NBAS: variants seen among roughly 807,000 people sequenced by gnomAD.
NBAS encodes NBAS subunit of NRZ tethering complex, also known as NAG/BC035112 fusion.
A neutral mutation model predicts 302.5 loss-of-function variants in NBAS; 219 were observed. The observed-to-expected ratio is 0.72, with a 90% CI of 0.65 to 0.81. The LOEUF is 0.81. NBAS is among the 30% of genes least tolerant of loss of function. The pLI is 0.00. For missense variants in NBAS, 2,932 were observed against 2,841.6 expected, an observed-to-expected ratio of 1.03 and a Z score of -0.72; for synonymous variants, 1,118 against 1,021.6, an observed-to-expected ratio of 1.09 and a Z score of -1.80.
the NBAS span, among the ~76,000 whole-genome samples, chr2:15,001,914 T>C: frequency 6.6e-6 from 1 of 152,082 alleles, no homozygotes; most frequent in Non-Finnish European, 1.5e-5. Flanking sequence ...TTCCACAGTG[T>C]GGAAGGGGAC....
chr2:15,200,060 G>A (rs1285275575), intron 48 of NBAS, among the ~76,000 whole-genome samples: 1 of 151,892 alleles, frequency 6.6e-6, no homozygotes, highest in Non-Finnish European at 1.5e-5. Context: ...ATGCCACTAT[G>A]CCTGGCTAAT....
chr2:15,275,452 C>T (rs768656700), intron 44 of NBAS, 32 bp downstream of exon 44: 1 of 1,599,272 alleles, frequency 6.3e-7, no homozygotes, highest in Non-Finnish European at 8.6e-7. Flanking sequence ...TTCTACTGTG[C>T]TCAAACCACT....
the NBAS span, among the ~76,000 whole-genome samples, chr2:15,122,279 G>C: frequency 2.0e-5 from 3 of 152,274 alleles, no homozygotes; most frequent in East Asian, 1.9e-4. Flanking sequence ...GATTCTGCAG[G>C]CTTTACAGAA....
chr2:15,207,844 A>G (rs1666218283), intron 48 of NBAS, among the ~76,000 whole-genome samples: 1 of 152,050 alleles, frequency 6.6e-6, no homozygotes, highest in Non-Finnish European at 1.5e-5. Context: ...TAAATTACTC[A>G]GTCTCAGGTA....
intron 12 of NBAS, among the ~76,000 whole-genome samples, chr2:15,487,249 A>G (rs540830758): frequency 6.6e-6 from 1 of 152,342 alleles, no homozygotes; most frequent in East Asian, 1.9e-4. Context: ...TGCATTGATA[A>G]CCATGAAAAA....
chr2:14,924,259 C>CA, the NBAS span, among the ~76,000 whole-genome samples: 4 of 152,210 alleles, frequency 2.6e-5, no homozygotes, highest in African/African-American at 9.6e-5. Flanking sequence ...AGATTCCTGT[C>CA]ATGGAGATGA....
chr2:14,945,370 CACAG>C, the NBAS span, among the ~76,000 whole-genome samples: 224 of 152,244 alleles, frequency 1.5e-3, 2 homozygotes, highest in African/African-American at 4.8e-3. Flanking sequence ...TACTTCAGTG[CACAG>C]ACACAGACCT....
chr2:15,126,451 T>G, the NBAS span, among the ~76,000 whole-genome samples: 1 of 152,084 alleles, frequency 6.6e-6, no homozygotes, highest in Non-Finnish European at 1.5e-5. Context: ...AAGTGGCCAC[T>G]AAGGAATGTG....
the NBAS span, among the ~76,000 whole-genome samples, chr2:14,821,173 G>A: frequency 1.3e-5 from 2 of 152,038 alleles, no homozygotes; most frequent in South Asian, 2.1e-4. Flanking sequence ...TGATCCGCCC[G>A]CCTCGCCTCC....
the NBAS span, among the ~76,000 whole-genome samples, chr2:14,791,922 T>A: frequency 6.6e-6 from 1 of 152,228 alleles, no homozygotes; most frequent in South Asian, 2.1e-4. Flanking sequence ...CGAAAACATC[T>A]TGGTTTCCAT....
the NBAS span, among the ~76,000 whole-genome samples, chr2:14,857,031 G>A: frequency 6.6e-6 from 1 of 151,994 alleles, no homozygotes; most frequent in Admixed American, 6.6e-5. Context: ...TGAACAATAT[G>A]AGAAATAAAT....
chr2:15,208,430 A>C (rs1362214361), intron 48 of NBAS, among the ~76,000 whole-genome samples: 1 of 152,224 alleles, frequency 6.6e-6, no homozygotes, highest in Non-Finnish European at 1.5e-5. Flanking sequence ...TAGCCAAACC[A>C]TATCAGGCCC....
the NBAS span, among the ~76,000 whole-genome samples, chr2:15,002,817 C>T: frequency 6.6e-6 from 1 of 152,230 alleles, no homozygotes; most frequent in Non-Finnish European, 1.5e-5. Context: ...CAGGGCGGGT[C>T]AGCTGCTCCA....
the NBAS span, among the ~76,000 whole-genome samples, chr2:15,153,582 A>C: frequency 2.8e-3 from 425 of 152,338 alleles, 2 homozygotes; most frequent in African/African-American, 0.01. Flanking sequence ...AGGAGTGAAC[A>C]CAATGTTGAG....
chr2:15,410,980 G>A (rs766872379), intron 25 of NBAS, among the ~76,000 whole-genome samples: 5 of 152,150 alleles, frequency 3.3e-5, no homozygotes, highest in Admixed American at 1.3e-4. Context: ...CCTTGAACAC[G>A]TTCTCCCTCT....
the NBAS span, among the ~76,000 whole-genome samples, chr2:14,810,451 A>T: frequency 2.0e-5 from 3 of 152,214 alleles, no homozygotes; most frequent in Non-Finnish European, 4.4e-5. Context: ...GCCTGCTGCC[A>T]TCGATGTAAG....
chr2:15,348,652 C>T (rs1673208152), intron 35 of NBAS, among the ~76,000 whole-genome samples: 1 of 151,776 alleles, frequency 6.6e-6, no homozygotes, highest in African/African-American at 2.4e-5. Context: ...CATCACAGCA[C>T]CTCAGTAGCA....
intron 23 of NBAS, among the ~76,000 whole-genome samples, chr2:15,423,602 C>T (rs909131803): frequency 3.9e-5 from 6 of 152,092 alleles, no homozygotes; most frequent in African/African-American, 1.2e-4. Context: ...CCTGGATTCA[C>T]CTTTCCTGTC....
Position 15,415,604 on chromosome 2 carries a change from G to T in NBAS, c.2879C>A (p.Thr960Asn). 1 of 1,614,026 alleles carries T rather than the reference G, an allele frequency of 6.2e-7. No homozygotes were observed. Among genetic ancestry groups the T allele is most frequent in the Admixed American group, 1.7e-5 (1 of 60,012 alleles). Residue 960 changes from threonine (T) to asparagine (N), a missense_variant, in exon 25 of 52, where the codon ACT becomes AAT. Transcript: ENST00000281513. ...ANELLKEYLV[T>N]LAKGDLKFPL... ...AAATTTTAAGTCCCCTTTAGCTAAA[G>T]TTACTAAATATTCTTTTAATAGCTC...
Sources: gnomAD v4.1 joint callset for allele counts (sites outside exome capture counted in the v4.1 genomes callset) on GRCh38, gnomAD v4.1.1 for gene constraint, MANE v1.5 for transcripts, NCBI Gene and HGNC (gene_info 2026-07-23, HGNC 2026-07-21) for gene names.